FSIP2: variants seen among roughly 807,000 people sequenced by gnomAD.
FSIP2 encodes fibrous sheath interacting protein 2.
Under a neutral mutation model 510.5 loss-of-function variants are expected in FSIP2, and 367 were observed. The observed-to-expected ratio is 0.72, with a 90% CI of 0.66 to 0.78. The LOEUF is 0.78. FSIP2 is among the 30% of genes least tolerant of loss of function. The probability of loss-of-function intolerance (pLI) is 0.00; values close to 1 mark genes in which losing one functional copy is unlikely to be tolerated. For synonymous variants in FSIP2, 2,601 were observed against 2,732.2 expected, an observed-to-expected ratio of 0.95 and a Z score of 1.50; for missense variants, 7,594 against 7,901.7, an observed-to-expected ratio of 0.96 and a Z score of 1.48.
Position 185,795,938 on chromosome 2 carries a change from C to T in FSIP2, c.8802C>T (p.Ser2934=), listed in dbSNP as rs1481398422. The change falls in exon 16 of 23, where the codon TCC becomes TCT. Residue 2934 remains serine (S), a synonymous_variant. Transcript: ENST00000424728. ...AAAAACTACAGCTATGCTTTCTGTC[C>T]CAAATTCCCACTCCAGATAGTGAAG... ...LLEKLQLCFL[S]QIPTPDSEET... 5.9e-6 allele frequency: 9 copies of T among 1,534,184 alleles called. No individual in the cohort carries two copies. The highest frequency in any genetic ancestry group is 1.4e-5 in the African/African-American group (1 of 72,822).
chr2:185,809,767 C>A (rs1314555502), intron 17 of FSIP2, among the ~76,000 whole-genome samples: 1 of 151,946 alleles, frequency 6.6e-6, no homozygotes, highest in East Asian at 1.9e-4. Context: ...AAACCAGCTG[C>A]AGTATTGCTG....
At chr2:185,757,701 C>A (rs953877001) in intron 9 of FSIP2, among the ~76,000 whole-genome samples, 1 of 151,176 alleles carries the variant, frequency 6.6e-6, no homozygotes, top group Non-Finnish European at 1.5e-5. Flanking sequence ...GCTGGTGATT[C>A]TCCAAGCAGA....
Position 185,833,252 on chromosome 2 carries a change from C to A in FSIP2, c.*26C>A, listed in dbSNP as rs1416253299. ...AGCTTTTGTACCTGATATAAGTATG[C>A]TTACTTCTTTTAGAAAATAAAATGG... On this transcript the variant is annotated 3_prime_UTR_variant, in exon 23 of 23. Coordinates refer to ENST00000424728, the MANE Select transcript of FSIP2 (RefSeq NM_173651.4). 2.6e-6 allele frequency: 4 copies of A among 1,561,630 alleles called. No homozygotes were observed. Among genetic ancestry groups the A allele is most frequent in the Non-Finnish European group, 3.5e-6 (4 of 1,152,084 alleles).
intron 7 of FSIP2, among the ~76,000 whole-genome samples, 178 bp from the exon 8 acceptor site, chr2:185,753,544 C>A (rs931996495): frequency 1.3e-5 from 2 of 151,398 alleles, no homozygotes; most frequent in Non-Finnish European, 3.0e-5. Context: ...TAAATATATT[C>A]TTTGTGTTTG....
At chr2:185,811,491 C>T (rs1693728695) in intron 17 of FSIP2, among the ~76,000 whole-genome samples, 1 of 150,940 alleles carries the variant, frequency 6.6e-6, no homozygotes, top group Non-Finnish European at 1.5e-5. Context: ...AAAAATCAAC[C>T]TGGCCATGTG....
chr2:185,747,190 A>G (rs541539095), intron 6 of FSIP2, 123 bp from the exon 7 acceptor site: 62 of 585,194 alleles, frequency 1.1e-4, no homozygotes, highest in Non-Finnish European at 1.7e-4. Flanking sequence ...TATGCCTTTC[A>G]TTATGCTTAA....
At chr2:185,763,688 T>A (rs1300918777) in intron 12 of FSIP2, among the ~76,000 whole-genome samples, 1 of 151,554 alleles carries the variant, frequency 6.6e-6, no homozygotes, top group African/African-American at 2.4e-5. Context: ...CAAACATGTA[T>A]CTTTGGTTTC....
chr2:185,797,816 C>A, intron 16 of FSIP2: 1 of 265,376 alleles, frequency 3.8e-6, no homozygotes, highest in South Asian at 5.7e-5. Flanking sequence ...AGCCTTCCCC[C>A]AAAATAGCTG....
At position 185,791,304 on chromosome 2, in the gene FSIP2, G is replaced by A; in HGVS notation, c.4168G>A (p.Val1390Ile). ...TAAGCCAAAGTCTGCAACTGACAGTGTTGATGTACAAAGCATTTTGCCAAA... is the reference window on the plus strand; with the variant it reads ...TAAGCCAAAGTCTGCAACTGACAGTATTGATGTACAAAGCATTTTGCCAAA... ...SRKPKSATDSVDVQSILPNRQ... is the reference protein window; with the variant it reads ...SRKPKSATDSIDVQSILPNRQ... Residue 1390 changes from valine to isoleucine, a missense_variant, in exon 16 of 23, where the codon GTT becomes ATT. By Grantham distance (29) the Val-to-Ile change is conservative. Transcript: ENST00000424728. 1 of 1,534,214 alleles carries A rather than the reference G, an allele frequency of 6.5e-7. No homozygotes were observed. Among genetic ancestry groups the A allele is most frequent in the Non-Finnish European group, 8.7e-7 (1 of 1,145,570 alleles).
intron 15 of FSIP2, among the ~76,000 whole-genome samples, chr2:185,787,324 C>G (rs1402604529): frequency 6.6e-6 from 1 of 151,712 alleles, no homozygotes; most frequent in East Asian, 1.9e-4. Flanking sequence ...GGGATTACAG[C>G]TGAATAAAAT....
In FSIP2 at chr2:185,808,901, T is replaced by C. The variant is rs13428732; in HGVS notation, c.19595T>C (p.Ile6532Thr). Residue 6532 changes from isoleucine to threonine, a missense_variant, in exon 17 of 23, where the codon ATA (isoleucine) becomes ACA (threonine). Ile to Thr is a moderately conservative substitution (Grantham distance 89). Transcript: ENST00000424728. ...CATGTTGGAAAAAAACCAGTCAAAA[T>C]AGATCCAAAAATTATTTCAGAACAC... ...VPHVGKKPVK[I>T]DPKIISEHLA... 1.3e-3 allele frequency: 2,026 copies of C among 1,605,610 alleles called. 24 individuals carry two copies. The African/African-American group carries it at 0.022, about 18-fold the overall frequency.
At position 185,751,303 on chromosome 2, in the gene FSIP2, A is replaced by G. The variant is rs551412042; in HGVS notation, c.871-2419A>G. Among the ~76,000 whole-genome samples, 17 of 151,640 alleles carry G rather than the reference A, an allele frequency of 1.1e-4. 1 individual carries two copies. The highest frequency in any genetic ancestry group is 3.4e-3 in the Middle Eastern group (1 of 294). On this transcript the variant is annotated intron_variant, in intron 7 of 22. Coordinates refer to ENST00000424728, the MANE Select transcript of FSIP2 (RefSeq NM_173651.4). ...TGTCTGTTGGTGATTTGATTTGTTT[A>G]TTGTTATGAAAATATTTTATTTTCC... is the stretch of plus-strand genomic sequence containing the variant.
At position 185,800,238 on chromosome 2, in the gene FSIP2, T is replaced by G; in HGVS notation, c.10932T>G (p.Leu3644=). 1 of 1,532,386 alleles carries G rather than the reference T, an allele frequency of 6.5e-7. No homozygotes were observed. The highest frequency in any genetic ancestry group is 8.7e-7 in the Non-Finnish European group (1 of 1,145,112). The allele number at this position is 1,532,386 out of a possible 1,614,324, so 94.9% of individuals were successfully genotyped here. A position where few individuals can be genotyped will look rare whatever the true frequency, so the allele number is the denominator to read the frequency against. The change falls in exon 17 of 23, where the codon CTT becomes CTG. Residue 3644 remains leucine, a synonymous_variant. Transcript: ENST00000424728. ...FSMHRNNSVP[L]CNKINRQASP... ...TGCATAGAAATAATAGTGTACCCCT[T>G]TGCAACAAAATCAATAGACAGGCAA...
Position 185,796,815 on chromosome 2 carries a change from C to G in FSIP2, c.9679C>G (p.Pro3227Ala), listed in dbSNP as rs1275334709. 5.9e-6 allele frequency: 9 copies of G among 1,535,132 alleles called. No individual in the cohort carries two copies. The highest frequency in any genetic ancestry group is 7.0e-6 in the Non-Finnish European group (8 of 1,146,296). ...TVKNSEPTKR[P>A]DSETMPSCST... is the part of the protein sequence containing the mutation. ...TAAAAACTCAGAGCCAACGAAAAGGCCTGATTCAGAAACTATGCCATCGTG... is the reference window on the plus strand; with the variant it reads ...TAAAAACTCAGAGCCAACGAAAAGGGCTGATTCAGAAACTATGCCATCGTG... The change falls in exon 16 of 23, where the codon CCT becomes GCT. Residue 3227 changes from proline (P) to alanine (A), a missense_variant. Transcript: ENST00000424728.
chr2:185,762,050 G>A (rs1692362891), intron 11 of FSIP2, 33 bp downstream of exon 11: 3 of 1,003,680 alleles, frequency 3.0e-6, no homozygotes, highest in Admixed American at 2.2e-5. Flanking sequence ...TAATTTTTCT[G>A]TTATTAGGCA....
At chr2:185,818,194 T>C (rs1422012679) in intron 19 of FSIP2, among the ~76,000 whole-genome samples, 3 of 151,878 alleles carry the variant, frequency 2.0e-5, no homozygotes, top group Admixed American at 6.6e-5. Flanking sequence ...AAAAATTCAT[T>C]GGAGAAGTTC....
Position 185,782,760 on chromosome 2 carries a change from T to C in FSIP2, c.1467T>C (p.Asn489=). 3 of 1,445,572 alleles carry C rather than the reference T, an allele frequency of 2.1e-6. No individual in the cohort carries two copies. Among genetic ancestry groups the C allele is most frequent in the Non-Finnish European group, 2.8e-6 (3 of 1,064,434 alleles). 89.5% of individuals were successfully genotyped at this position (1,445,572 alleles called of 1,614,324 possible). A position where few individuals can be genotyped will look rare whatever the true frequency, so the allele number is the denominator to read the frequency against. Residue 489 remains asparagine, a splice_region_variant and synonymous_variant, in exon 14 of 23, where the codon AAT becomes AAC. Coordinates refer to ENST00000424728, the MANE Select transcript of FSIP2 (RefSeq NM_173651.4). The part of the protein sequence containing the change: ...PGIFSSPVYT[N]MQQNLLQNCL... ...TATTTTCTTCTCCTGTTTACACAAA[T>C]ATGTAAGTACCTAAGGAATTATATA...
chr2:185,744,224 AT>A, intron 3 of FSIP2, 97 bp from the exon 4 acceptor site: 1 of 234,862 alleles, frequency 4.3e-6, no homozygotes, highest in Non-Finnish European at 7.8e-6. Flanking sequence ...TTATTTTTAA[AT>A]CAATTTAATG....
chr2:185,832,543 G>T (rs1694127329), intron 22 of FSIP2, among the ~76,000 whole-genome samples: 1 of 151,644 alleles, frequency 6.6e-6, no homozygotes, highest in South Asian at 2.1e-4. Context: ...TTAAGTATCA[G>T]AAAAGTATAT....
Sources: gnomAD v4.1 joint callset for allele counts (sites outside exome capture counted in the v4.1 genomes callset) on GRCh38, gnomAD v4.1.1 for gene constraint, MANE v1.5 for transcripts, NCBI Gene and HGNC (gene_info 2026-07-23, HGNC 2026-07-21) for gene names.